Variants in HEMK2 observed in about 807,000 individuals in gnomAD.
HEMK2 encodes HemK methyltransferase 2, ETF1 glutamine and histone H4 lysine, also known as methyltransferase HEMK2.
the HEMK2 span, chr21:28,876,607 C>A: frequency 1.7e-6 from 1 of 578,690 alleles, no homozygotes; most frequent in South Asian, 2.8e-5. Flanking sequence ...TCTGACAAAA[C>A]AATGTATATC....
chr21:28,822,703 A>C, the HEMK2 span, among the ~76,000 whole-genome samples: 1 of 152,082 alleles, frequency 6.6e-6, no homozygotes, highest in East Asian at 1.9e-4. Flanking sequence ...TTATTACTGA[A>C]GGTTATATTT....
At chr21:28,713,414 T>C in the HEMK2 span, among the ~76,000 whole-genome samples, 2 of 152,340 alleles carry the variant, frequency 1.3e-5, no homozygotes, top group East Asian at 3.9e-4. Context: ...AAGTGGCCTC[T>C]GCCCACCTAT....
chr21:28,824,122 C>G, the HEMK2 span, among the ~76,000 whole-genome samples: 1 of 152,158 alleles, frequency 6.6e-6, no homozygotes, highest in Non-Finnish European at 1.5e-5. Flanking sequence ...AATTTAAGAC[C>G]ACCAATGACC....
the HEMK2 span, among the ~76,000 whole-genome samples, chr21:28,741,307 G>C: frequency 1.3e-5 from 2 of 152,182 alleles, no homozygotes; most frequent in Non-Finnish European, 2.9e-5. Context: ...TATGGGGAAA[G>C]CATAAGCATG....
At chr21:28,754,820 T>A in the HEMK2 span, among the ~76,000 whole-genome samples, 1 of 152,216 alleles carries the variant, frequency 6.6e-6, no homozygotes, top group African/African-American at 2.4e-5. Flanking sequence ...CTGTTCTTAT[T>A]TTTAATGTGC....
At chr21:28,622,800 G>A in the HEMK2 span, among the ~76,000 whole-genome samples, 2 of 152,020 alleles carry the variant, frequency 1.3e-5, no homozygotes, top group Admixed American at 6.5e-5. Context: ...ACTGAAACTG[G>A]GCCCCTTCTT....
the HEMK2 span, among the ~76,000 whole-genome samples, chr21:28,756,841 A>G: frequency 2.0e-5 from 3 of 152,242 alleles, no homozygotes; most frequent in Non-Finnish European, 4.4e-5. Flanking sequence ...AGTCTCCTTC[A>G]GCATCTAGAC....
chr21:28,729,633 CAA>C, the HEMK2 span, among the ~76,000 whole-genome samples: 20 of 118,952 alleles, frequency 1.7e-4, no homozygotes, highest in Non-Finnish European at 1.9e-4. Context: ...TGCTGATAAG[CAA>C]AAAAAAAAAA....
chr21:28,605,332 G>A, the HEMK2 span, among the ~76,000 whole-genome samples: 21 of 152,318 alleles, frequency 1.4e-4, no homozygotes, highest in Admixed American at 6.5e-4. Context: ...TAGTGGTTTC[G>A]TTCTGAAGAA....
At chr21:28,788,034 T>C in the HEMK2 span, among the ~76,000 whole-genome samples, 1 of 151,748 alleles carries the variant, frequency 6.6e-6, no homozygotes, top group Non-Finnish European at 1.5e-5. Context: ...CAAACTAGAC[T>C]ATAAGGCCAT....
At chr21:28,698,602 A>C in the HEMK2 span, among the ~76,000 whole-genome samples, 1 of 152,180 alleles carries the variant, frequency 6.6e-6, no homozygotes, top group Non-Finnish European at 1.5e-5. Context: ...ATACAGTAAA[A>C]CCAACAAAAG....
the HEMK2 span, among the ~76,000 whole-genome samples, chr21:28,839,073 G>T: frequency 7.0e-6 from 1 of 143,702 alleles, no homozygotes; most frequent in African/African-American, 2.6e-5. Context: ...TAACATATGT[G>T]AGTCAATAAA....
the HEMK2 span, among the ~76,000 whole-genome samples, chr21:28,675,510 G>T: frequency 6.6e-6 from 1 of 152,108 alleles, no homozygotes; most frequent in Non-Finnish European, 1.5e-5. Context: ...ACAAAAAGAG[G>T]GCAAGTTGAA....
the HEMK2 span, among the ~76,000 whole-genome samples, chr21:28,612,831 T>C: frequency 1.2e-4 from 19 of 152,108 alleles, no homozygotes; most frequent in African/African-American, 4.3e-4. Context: ...CCTTTTACAA[T>C]AGCTGCAAAA....
chr21:28,782,473 TAA>T, the HEMK2 span, among the ~76,000 whole-genome samples: 1 of 152,206 alleles, frequency 6.6e-6, no homozygotes, highest in South Asian at 2.1e-4. Context: ...ACGTTAACTA[TAA>T]ATGCATTACT....
chr21:28,588,617 CA>C, the HEMK2 span, among the ~76,000 whole-genome samples: 1 of 152,024 alleles, frequency 6.6e-6, no homozygotes, highest in Non-Finnish European at 1.5e-5. Context: ...GAAAAACATA[CA>C]AAGAAAGAGC....
the HEMK2 span, among the ~76,000 whole-genome samples, chr21:28,747,436 A>T: frequency 1.3e-5 from 2 of 152,242 alleles, no homozygotes; most frequent in African/African-American, 2.4e-5. Context: ...AAAACCTTCC[A>T]AGCCAATGGC....
the HEMK2 span, among the ~76,000 whole-genome samples, chr21:28,636,869 G>A: frequency 1.3e-5 from 2 of 152,110 alleles, no homozygotes; most frequent in Non-Finnish European, 2.9e-5. Flanking sequence ...CATTGCTTGT[G>A]ATCAGAATTT....
chr21:28,589,497 T>C, the HEMK2 span, among the ~76,000 whole-genome samples: 34 of 152,192 alleles, frequency 2.2e-4, no homozygotes, highest in Non-Finnish European at 4.0e-4. Context: ...ATGTACTCTA[T>C]TGATAAACTC....
Sources: allele counts gnomAD v4.1 joint callset (sites outside exome capture counted in the v4.1 genomes callset), GRCh38; gene constraint gnomAD v4.1.1; transcripts MANE v1.5; gene names NCBI Gene and HGNC (gene_info 2026-07-23, HGNC 2026-07-21).